The following GPC6 variants were observed in gnomAD, a reference collection of about 807,000 sequenced individuals.
The protein encoded by GPC6 is glypican 6.
In GPC6, 14 loss-of-function variants were observed where a neutral mutation model predicts 55.2. The ratio of observed to expected loss-of-function variants is 0.25; its 90% confidence interval spans 0.17 to 0.40. GPC6 has a LOEUF of 0.40. Among genes scored for constraint, GPC6 ranks in the 10% least tolerant of loss-of-function variants. The pLI, the probability that GPC6 is intolerant of heterozygous loss-of-function variation, is 1.00. For missense variants in GPC6, 641 were observed against 708.5 expected (o/e 0.90, Z 1.08); for synonymous variants, 278 against 259.6 (o/e 1.07, Z -0.68).
intron 1 of GPC6, among the ~76,000 whole-genome samples, chr13:93,487,353 A>C (rs1879765071): frequency 6.6e-6 from 1 of 152,106 alleles, no homozygotes; most frequent in Non-Finnish European, 1.5e-5. Context: ...ATTTTTCCTA[A>C]TCTTCTCCCT....
chr13:93,257,204 CG>C (rs1165956163), intron 1 of GPC6, among the ~76,000 whole-genome samples: 4 of 151,754 alleles, frequency 2.6e-5, no homozygotes, highest in Admixed American at 2.6e-4. Flanking sequence ...AGGAGGCTGA[CG>C]GGGAGGACTG....
At chr13:93,234,900 C>A (rs1477224049) in intron 1 of GPC6, among the ~76,000 whole-genome samples, 2 of 152,078 alleles carry the variant, frequency 1.3e-5, no homozygotes, top group Admixed American at 1.3e-4. Context: ...AAAGAGATTT[C>A]TCAAATAGGA....
chr13:93,664,152 A>G (rs147422338), intron 2 of GPC6, among the ~76,000 whole-genome samples: 7 of 152,196 alleles, frequency 4.6e-5, no homozygotes, highest in Non-Finnish European at 1.0e-4. Context: ...ATATAACTAT[A>G]TAATTTATTC....
chr13:93,295,593 G>C (rs1416784330), intron 1 of GPC6, among the ~76,000 whole-genome samples: 1 of 152,020 alleles, frequency 6.6e-6, no homozygotes, highest in Non-Finnish European at 1.5e-5. Flanking sequence ...CCATTCTCCT[G>C]CCTCAGCCTC....
At chr13:93,847,825 G>A (rs1010486925) in intron 3 of GPC6, among the ~76,000 whole-genome samples, 2 of 152,154 alleles carry the variant, frequency 1.3e-5, no homozygotes, top group African/African-American at 4.8e-5. Flanking sequence ...CAACCTGGCA[G>A]AAGTATATGC....
chr13:93,861,988 G>C (rs1008532386), intron 3 of GPC6, among the ~76,000 whole-genome samples: 3 of 151,620 alleles, frequency 2.0e-5, no homozygotes, highest in African/African-American at 7.3e-5. Context: ...GAGTCACCAT[G>C]TCTGGAAGTG....
intron 4 of GPC6, among the ~76,000 whole-genome samples, chr13:94,274,650 G>A (rs2139069320): frequency 6.6e-6 from 1 of 152,248 alleles, no homozygotes; most frequent in Non-Finnish European, 1.5e-5. Context: ...AAACAAAAAT[G>A]ACATTCATCA....
intron 2 of GPC6, among the ~76,000 whole-genome samples, chr13:93,584,862 T>A (rs1035897456): frequency 2.0e-5 from 3 of 151,938 alleles, no homozygotes; most frequent in Admixed American, 6.6e-5. Flanking sequence ...CGAATTTTTT[T>A]ATTTTTTTGT....
chr13:93,808,294 A>G (rs973635682), intron 2 of GPC6, among the ~76,000 whole-genome samples: 4 of 152,232 alleles, frequency 2.6e-5, no homozygotes, highest in Non-Finnish European at 5.9e-5. Flanking sequence ...TCTTGTAAAG[A>G]TGACACATGT....
Position 93,830,514 on chromosome 13 carries a change from T to A in GPC6, c.680T>A (p.Val227Glu). The A allele has an allele frequency of 6.2e-7, 1 of 1,611,054 alleles. No individual in the cohort carries two copies. The highest frequency in any genetic ancestry group is 8.5e-7 in the Non-Finnish European group (1 of 1,179,282). Residue 227 changes from valine (V) to glutamate (E), a missense_variant, in exon 3 of 9, where the codon GTG becomes GAG. Transcript: ENST00000377047. ...AARTFVQGLT[V>E]GREVANRVSK... The stretch of plus-strand genomic sequence containing the variant: ...AGGACCTTTGTCCAGGGGCTGACTG[T>A]GGGCAGAGAAGTTGCAAACCGAGTT...
At chr13:93,786,812 C>G (rs1885828385) in intron 2 of GPC6, among the ~76,000 whole-genome samples, 1 of 152,070 alleles carries the variant, frequency 6.6e-6, no homozygotes, top group Admixed American at 6.6e-5. Flanking sequence ...ATCAGTGAAA[C>G]CAGAACTCAG....
At chr13:93,667,258 A>G (rs895065707) in intron 2 of GPC6, among the ~76,000 whole-genome samples, 50 of 152,240 alleles carry the variant, frequency 3.3e-4, no homozygotes, top group African/African-American at 1.2e-3. Context: ...TTCAGAAGCC[A>G]TGTTATGTGA....
At chr13:94,001,670 A>G (rs541021460) in intron 3 of GPC6, among the ~76,000 whole-genome samples, 2 of 152,186 alleles carry the variant, frequency 1.3e-5, no homozygotes, top group Non-Finnish European at 2.9e-5. Flanking sequence ...GGACCAAAAT[A>G]GATTGGTGAA....
intron 1 of GPC6, among the ~76,000 whole-genome samples, chr13:93,506,876 T>A (rs1469222075): frequency 3.1e-4 from 42 of 135,266 alleles, no homozygotes; most frequent in East Asian, 7.4e-4. Flanking sequence ...CTGTCTCTAC[T>A]AAAAAAAAAA....
intron 1 of GPC6, among the ~76,000 whole-genome samples, chr13:93,387,449 G>C (rs368545748): frequency 6.6e-6 from 1 of 152,136 alleles, no homozygotes; most frequent in South Asian, 2.1e-4. Flanking sequence ...TCCTGTGTTA[G>C]TTTGCTGAGA....
chr13:93,829,104 G>A (rs1566556375), intron 2 of GPC6, among the ~76,000 whole-genome samples: 1 of 152,088 alleles, frequency 6.6e-6, no homozygotes, highest in Non-Finnish European at 1.5e-5. Context: ...CAATAAACGG[G>A]GACTATGAAG....
At chr13:93,581,246 T>C (rs1198785207) in intron 2 of GPC6, among the ~76,000 whole-genome samples, 1 of 152,026 alleles carries the variant, frequency 6.6e-6, no homozygotes, top group Non-Finnish European at 1.5e-5. Context: ...TATCATTATG[T>C]ATTGAGAATA....
At position 94,010,033 on chromosome 13, in the gene GPC6, G is replaced by A. The variant is rs115868936; in HGVS notation, c.712-17696G>A. ...TTCCCTGTAGCACAGTAAACAGACA[G>A]CATTTGAATCATTTAAAATACCTTC... On this transcript the variant is annotated intron_variant, in intron 3 of 8. Transcript: ENST00000377047. Among the ~76,000 whole-genome samples the A allele has an allele frequency of 2.5e-3, 380 of 152,248 alleles. 1 individual carries two copies. Among genetic ancestry groups the A allele is most frequent in the African/African-American group, 8.8e-3 (367 of 41,566 alleles).
At chr13:93,543,642 T>A (rs1038518896) in intron 1 of GPC6, among the ~76,000 whole-genome samples, 8 of 152,190 alleles carry the variant, frequency 5.3e-5, no homozygotes, top group African/African-American at 1.7e-4. Context: ...CGGCTGTGAA[T>A]CCATCGGGAT....
Sources: allele counts gnomAD v4.1 joint callset (sites outside exome capture counted in the v4.1 genomes callset), GRCh38; gene constraint gnomAD v4.1.1; transcripts MANE v1.5; gene names NCBI Gene and HGNC (gene_info 2026-07-23, HGNC 2026-07-21).